Variants in ACTR3C observed in about 807,000 individuals in gnomAD.
The protein encoded by ACTR3C is actin related protein 3C.
ACTR3C carries 18 observed loss-of-function variants against 26.3 expected under a neutral mutation model. The ratio of observed to expected loss-of-function variants is 0.68; its 90% CI spans 0.47 to 1.01. The LOEUF is 1.01. ACTR3C is among the 50% of genes least tolerant of loss of function. The pLI is 0.00. For missense variants in ACTR3C, 184 were observed against 250.7 expected (o/e 0.73, Z 1.80); for synonymous variants, 55 against 94.5 (o/e 0.58, Z 2.42).
At chr7:149,974,705 TCTGGAGA>T in the ACTR3C span, among the ~76,000 whole-genome samples, 6 of 152,106 alleles carry the variant, frequency 3.9e-5, no homozygotes, top group African/African-American at 1.4e-4. Context: ...TTCACATAGG[TCTGGAGA>T]GAAATGAGTC....
chr7:150,042,057 C>CG, the ACTR3C span, among the ~76,000 whole-genome samples: 11 of 97,840 alleles, frequency 1.1e-4, no homozygotes, highest in Admixed American at 3.5e-4. Context: ...GGTCCTAAGC[C>CG]AGGGGGGGAT....
At chr7:150,146,305 T>C in the ACTR3C span, among the ~76,000 whole-genome samples, 10 of 152,026 alleles carry the variant, frequency 6.6e-5, no homozygotes, top group African/African-American at 2.4e-4. Context: ...GACAGCTCTG[T>C]ACGCCCAGGA....
intron 6 of ACTR3C, among the ~76,000 whole-genome samples, chr7:150,254,855 A>C (rs1430515015): frequency 6.6e-6 from 1 of 152,222 alleles, no homozygotes; most frequent in Non-Finnish European, 1.5e-5. Flanking sequence ...CCTGACATTC[A>C]GGTAACAAAA....
the ACTR3C span, among the ~76,000 whole-genome samples, chr7:150,015,871 T>C: frequency 8.6e-3 from 1,308 of 152,248 alleles, no homozygotes; most frequent in Admixed American, 0.018. Context: ...TCTGGTAGTG[T>C]ATGTCTGTTG....
the ACTR3C span, among the ~76,000 whole-genome samples, chr7:150,042,490 C>T: frequency 9.6e-4 from 140 of 145,696 alleles, 1 homozygote; most frequent in Admixed American, 3.9e-3. Context: ...TCGCAGTCCC[C>T]GCCTCGCGGG....
the ACTR3C span, among the ~76,000 whole-genome samples, chr7:150,183,127 A>T: frequency 6.6e-6 from 1 of 150,916 alleles, no homozygotes; most frequent in Non-Finnish European, 1.5e-5. Flanking sequence ...CGTTAGATGT[A>T]CAACAAGAAA....
At chr7:150,267,773 C>A (rs1445687839) in intron 6 of ACTR3C, among the ~76,000 whole-genome samples, 1 of 152,160 alleles carries the variant, frequency 6.6e-6, no homozygotes, top group South Asian at 2.1e-4. Flanking sequence ...TAAGAAGGGA[C>A]TCCTGTATAT....
chr7:150,201,185 A>G, the ACTR3C span, among the ~76,000 whole-genome samples: 5 of 152,298 alleles, frequency 3.3e-5, no homozygotes, highest in African/African-American at 1.2e-4. Context: ...TTCTTAAAAG[A>G]CCTCATGCTT....
intron 1 of ACTR3C, among the ~76,000 whole-genome samples, chr7:150,316,706 T>C (rs1796957834): frequency 1.3e-5 from 2 of 151,984 alleles, no homozygotes; most frequent in South Asian, 4.2e-4. Context: ...GGATGGTCTC[T>C]ATCTCTTGAC....
intron 6 of ACTR3C, among the ~76,000 whole-genome samples, chr7:150,250,286 C>T (rs1276046148): frequency 6.7e-6 from 1 of 149,206 alleles, no homozygotes; most frequent in Non-Finnish European, 1.5e-5. Flanking sequence ...TCACTGCAAG[C>T]TCTGCCTCCC....
chr7:150,054,682 G>C, the ACTR3C span, among the ~76,000 whole-genome samples: 2 of 152,208 alleles, frequency 1.3e-5, no homozygotes, highest in Admixed American at 1.3e-4. Context: ...TGTTGGGTAA[G>C]TCACTGAGGA....
the ACTR3C span, among the ~76,000 whole-genome samples, chr7:149,995,904 G>C: frequency 2.0e-5 from 3 of 152,262 alleles, no homozygotes; most frequent in Admixed American, 6.5e-5. Context: ...GTGGTTCGAG[G>C]CCTGTCTTAA....
Position 150,273,138 on chromosome 7 carries a change from C to T in ACTR3C, c.564+11615G>A, listed in dbSNP as rs531057813. The stretch of plus-strand genomic sequence containing the variant: ...AAAAGAAGCAGATTATCCCACACAA[C>T]AGTCTGAAAGAAAGCTCTCATCAGC... On this transcript the variant is annotated intron_variant, in intron 6 of 7. Transcript: ENST00000683684. Among the ~76,000 whole-genome samples the T allele has an allele frequency of 3.7e-3, 561 of 150,534 alleles. 4 individuals are homozygous for T. Among genetic ancestry groups the T allele is most frequent in the Non-Finnish European group, 5.4e-3 (370 of 67,984 alleles).
the ACTR3C span, among the ~76,000 whole-genome samples, chr7:150,034,975 T>C: frequency 0.014 from 1,269 of 92,096 alleles, 20 homozygotes; most frequent in South Asian, 0.043. Context: ...CCCACTCTCG[T>C]GGGGGGTGCC....
At chr7:150,076,216 GA>G in the ACTR3C span, among the ~76,000 whole-genome samples, 14,532 of 145,380 alleles carry the variant, frequency 0.1, 862 homozygotes, top group Middle Eastern at 0.18. Context: ...GACATAACAG[GA>G]AAAAAAAAAA....
the ACTR3C span, among the ~76,000 whole-genome samples, chr7:149,941,417 T>C: frequency 6.6e-6 from 1 of 152,142 alleles, no homozygotes; most frequent in Non-Finnish European, 1.5e-5. Flanking sequence ...TGGAGTGTAG[T>C]ATTGGAAGGC....
the ACTR3C span, among the ~76,000 whole-genome samples, chr7:150,223,814 T>G: frequency 6.6e-6 from 1 of 152,362 alleles, no homozygotes; most frequent in Non-Finnish European, 1.5e-5. Context: ...GGCTTAGCTC[T>G]GTCCTCTGCT....
rs1322228799 is a variant in ACTR3C, at chr7:150,248,938, A to T, written c.*38+10T>A. On this transcript the variant is annotated intron_variant, in intron 7 of 7. Coordinates refer to ENST00000683684, the MANE Select transcript of ACTR3C (RefSeq NM_001164458.2). ...GAGCCTAGAATTAAAAATGAAAATC[A>T]TGAGAATACCTCAAATAAAAGGCTA... 2.8e-5 allele frequency: 15 copies of T among 538,530 alleles called. No individual in the cohort carries two copies. The highest frequency in any genetic ancestry group is 4.0e-5 in the Non-Finnish European group (12 of 298,996). 33.4% of individuals were successfully genotyped at this position (538,530 alleles called of 1,614,324 possible).
chr7:150,141,553 T>C, the ACTR3C span, among the ~76,000 whole-genome samples: 2 of 152,110 alleles, frequency 1.3e-5, no homozygotes, highest in South Asian at 2.1e-4. Context: ...TCCTGACTTA[T>C]TGTTATTGTC....
Sources: gnomAD v4.1 joint callset for allele counts (sites outside exome capture counted in the v4.1 genomes callset) on GRCh38, gnomAD v4.1.1 for gene constraint, MANE v1.5 for transcripts, NCBI Gene and HGNC (gene_info 2026-07-23, HGNC 2026-07-21) for gene names.